The following ATP9B variants were observed in gnomAD, a reference collection of about 807,000 sequenced individuals.
ATP9B encodes probable phospholipid-transporting ATPase IIB.
A neutral mutation model predicts 146.1 loss-of-function variants in ATP9B; 110 were observed. The ratio of observed to expected loss-of-function variants is 0.75; its 90% confidence interval spans 0.65 to 0.88. The LOEUF (loss-of-function observed/expected upper bound fraction) is 0.88, where lower values mean the gene tolerates loss of function less well. Ranked by LOEUF, ATP9B falls within the 40% of genes least tolerant of loss-of-function variation. ATP9B has a pLI of 0.00. For synonymous variants in ATP9B, 604 were observed against 569.7 expected (o/e 1.06, Z -0.86); for missense variants, 1,499 against 1,496.4 (o/e 1.00, Z -0.03).
chr18:79,361,180 C>CA (rs1357446790), intron 26 of ATP9B: 2 of 152,240 alleles, frequency 1.3e-5, no homozygotes, highest in African/African-American at 4.8e-5. Context: ...TGTCATAGGA[C>CA]TGTCATGCCA....
At chr18:79,273,200 T>A (rs1222562866) in intron 12 of ATP9B, among the ~76,000 whole-genome samples, 1 of 152,184 alleles carries the variant, frequency 6.6e-6, no homozygotes, top group East Asian at 1.9e-4. Context: ...TCAGGGTGTT[T>A]GTGATGAATC....
intron 11 of ATP9B, among the ~76,000 whole-genome samples, chr18:79,223,735 T>G (rs1003181168): frequency 5.9e-5 from 9 of 152,188 alleles, no homozygotes; most frequent in African/African-American, 1.9e-4. Flanking sequence ...CTGCTCACAA[T>G]TAGAAGTTGT....
intron 9 of ATP9B, among the ~76,000 whole-genome samples, chr18:79,201,841 G>C (rs924731090): frequency 6.6e-6 from 1 of 152,156 alleles, no homozygotes; most frequent in Non-Finnish European, 1.5e-5. Context: ...TTACAGGCGT[G>C]AGTCACTGTG....
chr18:79,112,603 A>C (rs966160685), intron 3 of ATP9B, among the ~76,000 whole-genome samples: 1 of 152,088 alleles, frequency 6.6e-6, no homozygotes, highest in African/African-American at 2.4e-5. Context: ...TGCAATTACA[A>C]CTTCTTATAT....
chr18:79,096,604 GA>G lies in ATP9B; in HGVS notation c.249del (p.Leu84TrpfsTer20), dbSNP rs1568165851. The G allele has an allele frequency of 3.1e-6, 5 of 1,613,912 alleles. No homozygotes were observed. The Admixed American group carries it at 8.3e-5, about 27-fold the overall frequency. The stretch of plus-strand genomic sequence containing the variant: ...GCCAGGATAATGCAAAGGAAAAGAG[GA>G]CTGGAGTGGTTTGTCTGTGATGGCT... ...PRARIMQRKR[G>X]LEWFVCDGWK... is the part of the protein sequence containing the mutation. On this transcript the variant is annotated frameshift_variant, in exon 2 of 30. Transcript: ENST00000426216. LOFTEE classifies it high-confidence loss of function.
intron 26 of ATP9B, among the ~76,000 whole-genome samples, chr18:79,368,679 C>G (rs2097050079): frequency 6.6e-6 from 1 of 152,172 alleles, no homozygotes; most frequent in African/African-American, 2.4e-5. Flanking sequence ...CTGAAGAAAT[C>G]AGTCACCGTA....
At chr18:79,149,243 A>G (rs9959586) in intron 6 of ATP9B, among the ~76,000 whole-genome samples, 47,352 of 152,070 alleles carry the variant, frequency 0.31, 9,434 homozygotes, top group African/African-American at 0.58. Context: ...AAATAAAGTG[A>G]GAGGAATCAC....
chr18:79,219,784 T>TA (rs1016640049), intron 11 of ATP9B, among the ~76,000 whole-genome samples: 1 of 152,164 alleles, frequency 6.6e-6, no homozygotes, highest in Admixed American at 6.5e-5. Flanking sequence ...TTCCTGAGGT[T>TA]AAAAAATGCT....
At chr18:79,289,791 G>C (rs146437166) in intron 13 of ATP9B, among the ~76,000 whole-genome samples, 2,309 of 152,196 alleles carry the variant, frequency 0.015, 61 homozygotes, top group African/African-American at 0.053. Context: ...TTAGTTTTTG[G>C]TGTGGATGTC....
chr18:79,245,609 TACCACCCTACTGACTGG>T (rs2095940355), intron 11 of ATP9B, among the ~76,000 whole-genome samples: 1 of 16,132 alleles, frequency 6.2e-5, no homozygotes, highest in Non-Finnish European at 1.5e-4. Flanking sequence ...GTGCGGAGGG[TACCACCCTACTGACTGG>T]GGAGGGTACC....
In ATP9B at chr18:79,373,959, C is replaced by T. The variant is rs779932811; in HGVS notation, c.3132C>T (p.Ala1044=). Residue 1044 remains alanine (A), a synonymous_variant, in exon 28 of 30, where the codon GCC becomes GCT. Transcript: ENST00000426216. ...AGTCTGAGTTCGTCCACGTGGTGGC[C>T]ATCTCCTTCACCGCACTGATCCTGA... The part of the protein sequence containing the change: ...LFESEFVHVV[A]ISFTALILTE... 1.9e-6 allele frequency: 3 copies of T among 1,613,836 alleles called. No homozygotes were observed. Among genetic ancestry groups the T allele is most frequent in the Admixed American group, 1.7e-5 (1 of 59,996 alleles).
intron 1 of ATP9B, among the ~76,000 whole-genome samples, chr18:79,074,499 G>T (rs1055948377): frequency 3.9e-5 from 6 of 152,250 alleles, no homozygotes; most frequent in African/African-American, 1.4e-4. Flanking sequence ...ATGTGGTGGG[G>T]TTGCACCTGT....
chr18:79,120,282 A>C (rs948021516), intron 4 of ATP9B, among the ~76,000 whole-genome samples: 5 of 152,176 alleles, frequency 3.3e-5, no homozygotes, highest in African/African-American at 1.2e-4. Flanking sequence ...TCTAGCCAAA[A>C]TCCTGCCTCT....
chr18:79,103,794 G>A (rs2075458192), intron 2 of ATP9B, among the ~76,000 whole-genome samples: 1 of 152,206 alleles, frequency 6.6e-6, no homozygotes, highest in Non-Finnish European at 1.5e-5. Flanking sequence ...AAGAGCCTGG[G>A]TGATGACAGA....
At position 79,328,099 on chromosome 18, in the gene ATP9B, G is replaced by A. The variant is rs535475447; in HGVS notation, c.1774-1042G>A. Among the ~76,000 whole-genome samples the A allele has an allele frequency of 1.8e-4, 27 of 149,698 alleles. No individual in the cohort carries two copies. The East Asian group carries it at 3.4e-3, about 19-fold the overall frequency. ...GGTTAGCGTGCTCTCTGTGGTTAGC[G>A]TGCTCTCTGTGGTTAGCGTGCTCTC... On this transcript the variant is annotated intron_variant, in intron 15 of 29. Coordinates refer to ENST00000426216, the MANE Select transcript of ATP9B (RefSeq NM_198531.5).
intron 12 of ATP9B, chr18:79,254,435 A>G (rs2096059354): frequency 6.6e-6 from 1 of 152,282 alleles, no homozygotes. Flanking sequence ...ACCAGGAATG[A>G]ATCCAGTTGC....
At chr18:79,096,083 A>G (rs2074755394) in intron 1 of ATP9B, among the ~76,000 whole-genome samples, 1 of 152,226 alleles carries the variant, frequency 6.6e-6, no homozygotes, top group East Asian at 1.9e-4. Flanking sequence ...GTTGTGTAAC[A>G]TAGAGTGTTT....
chr18:79,124,742 T>C (rs951336011), intron 4 of ATP9B, among the ~76,000 whole-genome samples: 17 of 152,120 alleles, frequency 1.1e-4, no homozygotes, highest in South Asian at 6.2e-4. Flanking sequence ...CTGTATTTCA[T>C]TGGGAGAGCT....
At chr18:79,375,127 A>T (rs2097095634) in intron 28 of ATP9B, among the ~76,000 whole-genome samples, 1 of 152,220 alleles carries the variant, frequency 6.6e-6, no homozygotes, top group Non-Finnish European at 1.5e-5. Context: ...CTCCTCTCAG[A>T]CCTGGATAGG....
Sources: allele counts gnomAD v4.1 joint callset (sites outside exome capture counted in the v4.1 genomes callset), GRCh38; gene constraint gnomAD v4.1.1; transcripts MANE v1.5; gene names NCBI Gene and HGNC (gene_info 2026-07-23, HGNC 2026-07-21).